MARCHF5: variants seen among roughly 807,000 people sequenced by gnomAD.
MARCHF5 encodes the protein E3 ubiquitin-protein ligase MARCHF5.
A neutral mutation model predicts 36.5 loss-of-function variants in MARCHF5; 5 were observed. That is an observed-to-expected ratio of 0.14 (90% CI 0.07 to 0.29). The LOEUF (loss-of-function observed/expected upper bound fraction) is 0.29. MARCHF5 is among the 10% of genes least tolerant of loss of function. The pLI, the probability that MARCHF5 is intolerant of heterozygous loss-of-function variation, is 1.00. For synonymous variants in MARCHF5, 103 were observed against 109.9 expected, an observed-to-expected ratio of 0.94 and a Z score of 0.39; for missense variants, 179 against 336.3, an observed-to-expected ratio of 0.53 and a Z score of 3.66.
At position 92,291,200 on chromosome 10, in the gene MARCHF5, C is replaced by T; in HGVS notation, c.-295C>T. The T allele has an allele frequency of 2.0e-6, 1 of 511,028 alleles. No homozygotes were observed. 31.7% of individuals were successfully genotyped at this position (511,028 alleles called of 1,614,324 possible). A position where few individuals can be genotyped will look rare whatever the true frequency, so the allele number is the denominator to read the frequency against. On this transcript the variant is annotated 5_prime_UTR_variant, in exon 1 of 6. Transcript: ENST00000358935. ...AAGGTAGCTCCTCCGCCGGCAGCAACTCGGCGCCCGCGGTCCATGGACCGG... is the reference window on the plus strand; with the variant it reads ...AAGGTAGCTCCTCCGCCGGCAGCAATTCGGCGCCCGCGGTCCATGGACCGG...
intron 1 of MARCHF5, among the ~76,000 whole-genome samples, chr10:92,297,506 T>G (rs1348710184): frequency 1.4e-5 from 2 of 147,452 alleles, no homozygotes; most frequent in Non-Finnish European, 3.0e-5. Flanking sequence ...TTTTTTTTTT[T>G]GAGACAGAGT....
intron 2 of MARCHF5, among the ~76,000 whole-genome samples, chr10:92,312,148 G>A (rs956585404): frequency 6.6e-6 from 1 of 152,092 alleles, no homozygotes; most frequent in Non-Finnish European, 1.5e-5. Flanking sequence ...TGTCTTTGGG[G>A]GCAGAGGGAA....
intron 1 of MARCHF5, among the ~76,000 whole-genome samples, chr10:92,297,483 CTTTTTTTTTTT>C (rs965295861): frequency 8.1e-6 from 1 of 122,970 alleles, no homozygotes; most frequent in East Asian, 2.4e-4. Context: ...CAGCTTTCAA[CTTTTTTTTTTT>C]TTTTTTTTTT....
At chr10:92,343,609 G>T (rs916339668) in intron 3 of MARCHF5, among the ~76,000 whole-genome samples, 9 of 152,124 alleles carry the variant, frequency 5.9e-5, no homozygotes, top group African/African-American at 1.2e-4. Flanking sequence ...CGCTCTTGTT[G>T]TCCAGGCTGG....
intron 1 of MARCHF5, among the ~76,000 whole-genome samples, chr10:92,292,264 C>T (rs1842886260): frequency 6.6e-6 from 1 of 152,068 alleles, no homozygotes; most frequent in Admixed American, 6.6e-5. Flanking sequence ...GGTGCACCGC[C>T]CTCTGCTGTT....
intron 2 of MARCHF5, among the ~76,000 whole-genome samples, chr10:92,334,835 G>A (rs1312354023): frequency 6.6e-6 from 1 of 152,144 alleles, no homozygotes; most frequent in Non-Finnish European, 1.5e-5. Flanking sequence ...TCTGAAACGT[G>A]AAAACTTGAA....
chr10:92,305,582 G>C (rs1286004637), intron 1 of MARCHF5, among the ~76,000 whole-genome samples: 1 of 152,144 alleles, frequency 6.6e-6, no homozygotes, highest in African/African-American at 2.4e-5. Context: ...CTAAAGATTT[G>C]CATTTCTAAT....
chr10:92,298,905 T>C (rs928663114), intron 1 of MARCHF5, among the ~76,000 whole-genome samples: 5 of 152,146 alleles, frequency 3.3e-5, no homozygotes, highest in African/African-American at 1.2e-4. Flanking sequence ...AAACAGGGTC[T>C]TGCACTCCCA....
At chr10:92,295,183 T>C (rs143644545) in intron 1 of MARCHF5, among the ~76,000 whole-genome samples, 1,849 of 152,202 alleles carry the variant, frequency 0.012, 121 homozygotes, top group Admixed American at 0.11. Flanking sequence ...AATGCCCTTA[T>C]GGAGCTTCAA....
chr10:92,339,744 C>G (rs148385587), intron 2 of MARCHF5, among the ~76,000 whole-genome samples: 282 of 152,072 alleles, frequency 1.9e-3, no homozygotes, highest in African/African-American at 6.4e-3. Context: ...GGGCTGAGAC[C>G]CTTCCATTCT....
At chr10:92,348,366 G>C (rs1843681376) in intron 3 of MARCHF5, among the ~76,000 whole-genome samples, 1 of 151,842 alleles carries the variant, frequency 6.6e-6, no homozygotes, top group Admixed American at 6.6e-5. Flanking sequence ...GCATGCCCCT[G>C]TAATCCCAGC....
chr10:92,346,117 A>T (rs1843641119), intron 3 of MARCHF5, among the ~76,000 whole-genome samples: 1 of 152,210 alleles, frequency 6.6e-6, no homozygotes, highest in East Asian at 1.9e-4. Context: ...AATGTATGTG[A>T]TTACACACAG....
At position 92,331,951 on chromosome 10, in the gene MARCHF5, G is replaced by GTA. The variant is rs578262637; in HGVS notation, c.239-8713_239-8712dup. ...TATGTATATATAATCGTATATATAT[G>GTA]TATATATATAATCGTATATATATAT... On this transcript the variant is annotated intron_variant, in intron 2 of 5. Coordinates refer to ENST00000358935, the MANE Select transcript of MARCHF5 (RefSeq NM_017824.5). Among the ~76,000 whole-genome samples, 81 of 138,684 alleles carry GTA rather than the reference G, an allele frequency of 5.8e-4. No individual in the cohort carries two copies. The East Asian group carries it at 0.016, about 27-fold the overall frequency. The allele number at this position is 138,684 out of a possible 152,430, so 91.0% of individuals were successfully genotyped here.
At chr10:92,334,441 A>G (rs572309041) in intron 2 of MARCHF5, 3 of 152,522 alleles carry the variant, frequency 2.0e-5, no homozygotes, top group East Asian at 1.9e-4. Context: ...TTCGCACAAC[A>G]AAGTATAGAA....
intron 2 of MARCHF5, among the ~76,000 whole-genome samples, chr10:92,323,005 G>A (rs1412351887): frequency 6.6e-6 from 1 of 151,998 alleles, no homozygotes; most frequent in East Asian, 1.9e-4. Flanking sequence ...CAAAGTGCTG[G>A]GATTACAGGC....
rs192744345 is a variant in MARCHF5, at chr10:92,291,480, C to G, written c.-15C>G. 3.1e-5 allele frequency: 48 copies of G among 1,547,392 alleles called. 1 individual carries two copies. The highest frequency in any genetic ancestry group is 2.2e-4 in the Admixed American group (11 of 50,946). On this transcript the variant is annotated 5_prime_UTR_variant, in exon 1 of 6. Transcript: ENST00000358935. ...GGTCCACTGGGGAAGGCCGTGTGCG[C>G]CGGCTCCGCGGAAGATGCCGGACCA...
rs1029358536 is a variant in MARCHF5, at chr10:92,353,466, A to T, written c.*2259A>T. Reference sequence around the variant, plus strand: ...TTTATCTCAGAAGACTATTTCTAGGATTAACTGAGAGATTAAAGGAACAGC... The same window carrying T: ...TTTATCTCAGAAGACTATTTCTAGGTTTAACTGAGAGATTAAAGGAACAGC... On this transcript the variant is annotated 3_prime_UTR_variant, in exon 6 of 6. Coordinates refer to ENST00000358935, the MANE Select transcript of MARCHF5 (RefSeq NM_017824.5). 1.3e-5 allele frequency: 2 copies of T among 152,188 alleles called. No individual in the cohort carries two copies. The highest frequency in any genetic ancestry group is 2.4e-5 in the African/African-American group (1 of 41,436). 9.4% of individuals were successfully genotyped at this position (152,188 alleles called of 1,614,324 possible).
chr10:92,307,175 C>CTGTGTGTG (rs376178460), intron 1 of MARCHF5, among the ~76,000 whole-genome samples: 3,138 of 121,788 alleles, frequency 0.026, 100 homozygotes, highest in African/African-American at 0.079. Context: ...AAGAAAACAT[C>CTGTGTGTG]TGTGTGTGTG....
chr10:92,292,351 T>G (rs1842888336), intron 1 of MARCHF5, among the ~76,000 whole-genome samples: 1 of 152,162 alleles, frequency 6.6e-6, no homozygotes, highest in African/African-American at 2.4e-5. Context: ...AAGTCTTACT[T>G]CCTGGCATAG....
Sources: gnomAD v4.1 joint callset for allele counts (sites outside exome capture counted in the v4.1 genomes callset) on GRCh38, gnomAD v4.1.1 for gene constraint, MANE v1.5 for transcripts, NCBI Gene and HGNC (gene_info 2026-07-23, HGNC 2026-07-21) for gene names.